The following IL1RAPL1 variants were observed in gnomAD, a reference collection of about 807,000 sequenced individuals.
The protein encoded by IL1RAPL1 is interleukin 1 receptor accessory protein like 1.
A neutral mutation model predicts 48.4 loss-of-function variants in IL1RAPL1; 3 were observed. The observed-to-expected ratio is 0.06, with a 90% CI of 0.03 to 0.16. IL1RAPL1 has a LOEUF of 0.16. IL1RAPL1 is among the 10% of genes least tolerant of loss of function. IL1RAPL1 has a pLI of 1.00. For missense variants in IL1RAPL1, 349 were observed against 530.6 expected, an observed-to-expected ratio of 0.66 and a Z score of 3.36; for synonymous variants, 185 against 187.7, an observed-to-expected ratio of 0.99 and a Z score of 0.12.
intron 5 of IL1RAPL1, among the ~76,000 whole-genome samples, chrX:29,417,814 A>G (rs1479994509): frequency 3.6e-5 from 4 of 110,519 alleles, no homozygotes; most frequent in African/African-American, 1.3e-4. Flanking sequence ...TCCATTAGAT[A>G]ATTATGTTCT....
intron 5 of IL1RAPL1, among the ~76,000 whole-genome samples, chrX:29,543,220 G>A (rs965281796): frequency 1.8e-5 from 2 of 108,146 alleles, no homozygotes; most frequent in South Asian, 4.2e-4. Context: ...GGTCCCTTAT[G>A]ATACTCAGTA....
chrX:29,350,255 C>A (rs945746651), intron 3 of IL1RAPL1, among the ~76,000 whole-genome samples: 7 of 81,334 alleles, frequency 8.6e-5, no homozygotes, highest in Admixed American at 2.7e-4. Context: ...TGGATACACC[C>A]CCCCCCCCAC....
chrX:29,218,225 T>C (rs1232243191), intron 2 of IL1RAPL1, among the ~76,000 whole-genome samples: 1 of 112,191 alleles, frequency 8.9e-6, no homozygotes, highest in Non-Finnish European at 1.9e-5. Context: ...AATATCAACC[T>C]GGACACATCC....
intron 3 of IL1RAPL1, among the ~76,000 whole-genome samples, chrX:29,344,306 T>C (rs1221249596): frequency 8.9e-6 from 1 of 111,944 alleles, no homozygotes; most frequent in Non-Finnish European, 1.9e-5. Context: ...AAATTATTAA[T>C]TTTAGTGGCT....
chrX:29,672,064 C>T (rs1926156163), intron 6 of IL1RAPL1, among the ~76,000 whole-genome samples: 1 of 111,787 alleles, frequency 8.9e-6, no homozygotes, highest in Admixed American at 9.5e-5. Flanking sequence ...TAAATATTCT[C>T]ACAAAATATC....
At chrX:29,710,959 T>A (rs1320636213) in intron 6 of IL1RAPL1, among the ~76,000 whole-genome samples, 1 of 105,608 alleles carries the variant, frequency 9.5e-6, no homozygotes, top group Non-Finnish European at 1.9e-5. Flanking sequence ...ATTTATTTTT[T>A]AAAAATTGAT....
chrX:28,923,092 C>T (rs1250335947), intron 2 of IL1RAPL1, among the ~76,000 whole-genome samples: 1 of 111,923 alleles, frequency 8.9e-6, no homozygotes, highest in Non-Finnish European at 1.9e-5. Flanking sequence ...ATATATATGC[C>T]AGTCAAATGC....
At chrX:29,700,570 TGAA>T (rs113090353) in intron 6 of IL1RAPL1, among the ~76,000 whole-genome samples, 8,963 of 111,749 alleles carry the variant, frequency 0.08, 655 homozygotes, top group East Asian at 0.25. Context: ...GCTATTTAAT[TGAA>T]GAAGTTTTTC....
intron 6 of IL1RAPL1, among the ~76,000 whole-genome samples, chrX:29,708,470 G>A (rs765223608): frequency 3.6e-5 from 4 of 111,928 alleles, no homozygotes; most frequent in Admixed American, 1.9e-4. Flanking sequence ...GTGTGAGGTC[G>A]TATAGTATTT....
chrX:29,196,150 A>G (rs1930440412), intron 2 of IL1RAPL1, among the ~76,000 whole-genome samples: 1 of 112,057 alleles, frequency 8.9e-6, no homozygotes, highest in Non-Finnish European at 1.9e-5. Context: ...TTTGTCATAA[A>G]ATAGAGATTG....
At position 29,094,397 on chromosome X, in the gene IL1RAPL1, T is replaced by C. The variant is rs1270602923; in HGVS notation, c.83-188541T>C. On this transcript the variant is annotated intron_variant, in intron 2 of 10. Transcript: ENST00000378993. ...ATGGCATTGTTATAAGGCGGATTTT[T>C]AGTTGTATCGTAGTTGATAACATAT... Among the ~76,000 whole-genome samples, 3 of 110,965 alleles carry C rather than the reference T, an allele frequency of 2.7e-5. No homozygotes were observed. The Admixed American group carries it at 2.9e-4, about 11-fold the overall frequency.
At chrX:29,947,837 C>T (rs1244853191) in intron 9 of IL1RAPL1, among the ~76,000 whole-genome samples, 1 of 104,870 alleles carries the variant, frequency 9.5e-6, no homozygotes, top group African/African-American at 3.5e-5. Context: ...GAAGCTAGAA[C>T]AAGTTTTTGG....
intron 1 of IL1RAPL1, among the ~76,000 whole-genome samples, chrX:28,705,554 A>C (rs1000839307): frequency 1.8e-5 from 2 of 112,134 alleles, no homozygotes; most frequent in Non-Finnish European, 3.8e-5. Flanking sequence ...CAACGTGCAC[A>C]TGTGAATTAG....
chrX:29,809,296 C>T (rs1569176270), intron 6 of IL1RAPL1, among the ~76,000 whole-genome samples: 1 of 105,257 alleles, frequency 9.5e-6, no homozygotes, highest in African/African-American at 3.5e-5. Context: ...TTAGTGGAGA[C>T]GGGGTTTCAC....
At chrX:28,611,905 A>G (rs990887971) in intron 1 of IL1RAPL1, among the ~76,000 whole-genome samples, 4 of 112,533 alleles carry the variant, frequency 3.6e-5, no homozygotes, top group Admixed American at 9.4e-5. Flanking sequence ...GTAGGTATCA[A>G]TAAACTACTA....
chrX:29,209,980 A>G (rs1186430209), intron 2 of IL1RAPL1, among the ~76,000 whole-genome samples: 2 of 111,849 alleles, frequency 1.8e-5, no homozygotes, highest in Non-Finnish European at 3.8e-5. Context: ...GGCTCAGATT[A>G]TAAATCCTAG....
At chrX:29,572,348 T>C (rs1310033543) in intron 5 of IL1RAPL1, among the ~76,000 whole-genome samples, 1 of 112,078 alleles carries the variant, frequency 8.9e-6, no homozygotes, top group African/African-American at 3.2e-5. Flanking sequence ...ACGTAGTTTG[T>C]ATCAGATACT....
At chrX:29,821,157 T>G (rs141524048) in intron 6 of IL1RAPL1, among the ~76,000 whole-genome samples, 5 of 111,807 alleles carry the variant, frequency 4.5e-5, no homozygotes, top group African/African-American at 1.6e-4. Flanking sequence ...CCATTAGTAA[T>G]TGATCATTTC....
At chrX:29,461,831 C>G (rs1450019756) in intron 5 of IL1RAPL1, among the ~76,000 whole-genome samples, 1 of 111,669 alleles carries the variant, frequency 9.0e-6, no homozygotes, top group Non-Finnish European at 1.9e-5. Flanking sequence ...GAGACAGAGG[C>G]AAAATCAGTG....
Sources: allele counts gnomAD v4.1 joint callset (sites outside exome capture counted in the v4.1 genomes callset), GRCh38; gene constraint gnomAD v4.1.1; transcripts MANE v1.5; gene names NCBI Gene and HGNC (gene_info 2026-07-23, HGNC 2026-07-21).